CLN5: variants seen among roughly 807,000 people sequenced by gnomAD.
The protein encoded by CLN5 is CLN5 lysosomal BMP synthase, also known as bis(monoacylglycero)phosphate synthase CLN5.
In CLN5, 34 loss-of-function variants were observed where a neutral mutation model predicts 36.7. That is an observed-to-expected ratio of 0.93 (90% CI 0.71 to 1.23). The LOEUF (loss-of-function observed/expected upper bound fraction) is 1.23. Among genes scored for constraint, CLN5 ranks in the 50% most tolerant of loss-of-function variants. The pLI is 0.00. For synonymous variants in CLN5, 151 were observed against 155.1 expected (o/e 0.97, Z 0.20); for missense variants, 427 against 439.4 (o/e 0.97, Z 0.25).
chr13:76,992,311 G>A, intron 1 of CLN5, 40 bp downstream of exon 1: 1 of 1,515,456 alleles, frequency 6.6e-7, no homozygotes, highest in Non-Finnish European at 8.8e-7. Flanking sequence ...GTTGGGGTCG[G>A]CGTTGACGAT....
In CLN5 at chr13:77,004,506, C is replaced by T. The variant is rs1046343530; in HGVS notation, c.*3537C>T. 6.6e-6 allele frequency: 1 copy of T among 152,118 alleles called. No individual in the cohort carries two copies. The highest frequency in any genetic ancestry group is 6.5e-5 in the Admixed American group (1 of 15,276). The allele number at this position is 152,118 out of a possible 1,614,324, so 9.4% of individuals were successfully genotyped here. ...TGATTATTCTAAGGATAAGCTCTTA[C>T]TTCACTTTCGGAGTAAAAGGCTTTG... On this transcript the variant is annotated 3_prime_UTR_variant, in exon 4 of 4. Transcript: ENST00000377453.
chr13:76,992,221 G>C lies in CLN5; in HGVS notation c.123G>C (p.Trp41Cys), dbSNP rs1284580558. ...TTTGGCTCGCGGTGGTTCCGGGCTGGTCCCGGGTCTCGGGCATCCCCTCCC... is the reference window on the plus strand; with the variant it reads ...TTTGGCTCGCGGTGGTTCCGGGCTGCTCCCGGGTCTCGGGCATCCCCTCCC... The part of the protein sequence containing the change: ...ALLWLAVVPG[W>C]SRVSGIPSRR... Residue 41 changes from tryptophan to cysteine, a missense_variant, in exon 1 of 4, where the codon TGG (tryptophan) becomes TGC (cysteine). By Grantham distance (215) the Trp-to-Cys change is radical (BLOSUM62 -2). Coordinates refer to ENST00000377453, the MANE Select transcript of CLN5 (RefSeq NM_006493.4). The C allele has an allele frequency of 6.3e-7, 1 of 1,599,340 alleles. No homozygotes were observed. The highest frequency in any genetic ancestry group is 1.1e-5 in the South Asian group (1 of 90,200).
chr13:76,992,431 GT>G, intron 1 of CLN5, 160 bp downstream of exon 1: 1 of 830,084 alleles, frequency 1.2e-6, no homozygotes, highest in Non-Finnish European at 1.8e-6. Flanking sequence ...TGAGAGCAAA[GT>G]TGAGGACTGG....
In CLN5 at chr13:77,004,815, T is replaced by A. The variant is rs937877397; in HGVS notation, c.*3846T>A. 1 of 152,184 alleles carries A rather than the reference T, an allele frequency of 6.6e-6. No individual in the cohort carries two copies. Among genetic ancestry groups the A allele is most frequent in the Admixed American group, 6.5e-5 (1 of 15,274 alleles). 9.4% of individuals were successfully genotyped at this position (152,184 alleles called of 1,614,324 possible). A position where few individuals can be genotyped will look rare whatever the true frequency, so the allele number is the denominator to read the frequency against. ...TCAATCATACCTATTTTTTCTGATA[T>A]GGTTACAACAGCCCAAATTACCAAG... On this transcript the variant is annotated 3_prime_UTR_variant, in exon 4 of 4. Transcript: ENST00000377453.
chr13:76,996,265 C>A, intron 3 of CLN5, 138 bp downstream of exon 3: 1 of 740,184 alleles, frequency 1.4e-6, no homozygotes. Context: ...AACCATTAAA[C>A]TTTGGGAATT....
rs1458668713 is a variant in CLN5, at chr13:77,002,730, C to G, written c.*1761C>G. 6.6e-6 allele frequency: 1 copy of G among 152,154 alleles called. No homozygotes were observed. Among genetic ancestry groups the G allele is most frequent in the Non-Finnish European group, 1.5e-5 (1 of 68,032 alleles). 9.4% of individuals were successfully genotyped at this position (152,154 alleles called of 1,614,324 possible). A position where few individuals can be genotyped will look rare whatever the true frequency, so the allele number is the denominator to read the frequency against. ...AAATTAATACTGCCTCTTTAACCTG[C>G]TAATTGTTTTCACAATGTTACAAGA... is the stretch of plus-strand genomic sequence containing the variant. On this transcript the variant is annotated 3_prime_UTR_variant, in exon 4 of 4. Transcript: ENST00000377453.
rs1280128886 is a variant in CLN5 at position 76,992,270 on chromosome 13, A to G, written c.172A>G (p.Lys58Glu). The G allele has an allele frequency of 7.0e-6, 11 of 1,567,862 alleles. No homozygotes were observed. The highest frequency in any genetic ancestry group is 2.3e-5 in the East Asian group (1 of 43,436). The change falls in exon 1 of 4, where the codon AAG becomes GAG. Residue 58 changes from lysine to glutamate, a missense_variant and splice_region_variant. Coordinates refer to ENST00000377453, the MANE Select transcript of CLN5 (RefSeq NM_006493.4). ...PSRRHWPVPYKRFDFRPKPDP... is the reference protein window; with the variant it reads ...PSRRHWPVPYERFDFRPKPDP... ...CCGGCGCCACTGGCCGGTGCCCTAC[A>G]AGTGAGTGCGGCGGCGCGCGCACTG...
chr13:77,000,879 T>G lies in CLN5; in HGVS notation c.987T>G (p.Tyr329Ter), dbSNP rs2034349886. 6.9e-6 allele frequency: 11 copies of G among 1,593,730 alleles called. No homozygotes were observed. The highest frequency in any genetic ancestry group is 9.4e-6 in the Non-Finnish European group (11 of 1,172,720). ...KQFYLFYNFE[Y>*]WFLPMKFPFI... ...TCTATTTGTTTTATAATTTTGAATA[T>G]TGGTTTTTACCTATGAAATTCCCTT... Residue 329 changes from tyrosine (Y) to a stop codon, truncating the protein, a stop_gained, in exon 4 of 4, where the codon TAT becomes TAG. Coordinates refer to ENST00000377453, the MANE Select transcript of CLN5 (RefSeq NM_006493.4). LOFTEE classifies it high-confidence loss of function.
chr13:76,998,045 G>A (rs2034297506), intron 3 of CLN5: 1 of 152,388 alleles, frequency 6.6e-6, no homozygotes, highest in Admixed American at 6.5e-5. Context: ...TTTTACAGAT[G>A]GAGAAACTGA....
Position 76,995,233 on chromosome 13 carries a change from G to A in CLN5, c.339+5G>A. 6.2e-7 allele frequency: 1 copy of A among 1,613,714 alleles called. No homozygotes were observed. The highest frequency in any genetic ancestry group is 1.1e-5 in the South Asian group (1 of 91,062). ...GGAGACCTCCTGGGACACTTGGTAA[G>A]GATGCATCTTGGTCTTATAACTTTG... On this transcript the variant is annotated splice_donor_5th_base_variant and intron_variant, in intron 2 of 3. Coordinates refer to ENST00000377453, the MANE Select transcript of CLN5 (RefSeq NM_006493.4).
intron 3 of CLN5, 56 bp downstream of exon 3, chr13:76,996,183 A>G: frequency 1.5e-6 from 2 of 1,323,728 alleles, no homozygotes; most frequent in Admixed American, 1.7e-5. Flanking sequence ...CAAATGAAAG[A>G]AATTGTTATA....
chr13:77,000,550 A>G lies in CLN5; in HGVS notation c.658A>G (p.Lys220Glu). The G allele has an allele frequency of 6.2e-7, 1 of 1,614,072 alleles. No individual in the cohort carries two copies. The highest frequency in any genetic ancestry group is 8.5e-7 in the Non-Finnish European group (1 of 1,179,992). Residue 220 changes from lysine (K) to glutamate (E), a missense_variant, in exon 4 of 4, where the codon AAG becomes GAG. Physicochemically the swap from Lys to Glu is moderately conservative, Grantham distance 56. Coordinates refer to ENST00000377453, the MANE Select transcript of CLN5 (RefSeq NM_006493.4). ...ATGGAATGTAAAAGCCAGCCCAGAA[A>G]AGGGGGCAGAGACATGGTTTGATTC... ...ETWNVKASPEKGAETWFDSYD... is the reference protein window; with the variant it reads ...ETWNVKASPEEGAETWFDSYD...
chr13:77,005,022 T>C lies in CLN5; in HGVS notation c.*4053T>C, dbSNP rs944753290. On this transcript the variant is annotated 3_prime_UTR_variant, in exon 4 of 4. Coordinates refer to ENST00000377453, the MANE Select transcript of CLN5 (RefSeq NM_006493.4). ...TCTGAATGCAGAAAGAACCTATTAT[T>C]TTCTGTATAAAAATTTAAAAATTTA... 2 of 152,252 alleles carry C rather than the reference T, an allele frequency of 1.3e-5. No individual in the cohort carries two copies. The highest frequency in any genetic ancestry group is 2.1e-4 in the South Asian group (1 of 4,826). The allele number at this position is 152,252 out of a possible 1,614,324, so 9.4% of individuals were successfully genotyped here.
intron 3 of CLN5, 79 bp downstream of exon 3, chr13:76,996,206 C>A: frequency 8.4e-7 from 1 of 1,195,784 alleles, no homozygotes; most frequent in Non-Finnish European, 1.2e-6. Context: ...TCCATTGAAA[C>A]ATTTCAGTAA....
chr13:76,999,574 A>T (rs2034324224), intron 3 of CLN5: 1 of 152,284 alleles, frequency 6.6e-6, no homozygotes, highest in Admixed American at 6.5e-5. Context: ...CACAAGGTGG[A>T]TGGGGTATGG....
chr13:76,994,024 T>A lies in CLN5; in HGVS notation c.174-1039T>A, dbSNP rs764735410. 5.3e-5 allele frequency: 8 copies of A among 152,292 alleles called. No homozygotes were observed. The South Asian group carries it at 1.0e-3, about 20-fold the overall frequency. 9.4% of individuals were successfully genotyped at this position (152,292 alleles called of 1,614,324 possible). On this transcript the variant is annotated intron_variant, in intron 1 of 3. Coordinates refer to ENST00000377453, the MANE Select transcript of CLN5 (RefSeq NM_006493.4). ...CGGTCTTCTTTTCTTGCCTGCATTG[T>A]TGAGGTCACCTTCTAACTGATCTCT...
Position 77,004,385 on chromosome 13 carries a change from T to TTTA in CLN5, c.*3421_*3423dup, listed in dbSNP as rs1168408126. 6.6e-6 allele frequency: 1 copy of TTTA among 152,230 alleles called. No individual in the cohort carries two copies. The highest frequency in any genetic ancestry group is 1.9e-4 in the East Asian group (1 of 5,206). 9.4% of individuals were successfully genotyped at this position (152,230 alleles called of 1,614,324 possible). A position where few individuals can be genotyped will look rare whatever the true frequency, so the allele number is the denominator to read the frequency against. ...TCCAGCATCTTCGTCATATTTACCC[T>TTTA]TTATTATCCAAGTGGTTTCCTGCTC... is the stretch of plus-strand genomic sequence containing the variant. On this transcript the variant is annotated 3_prime_UTR_variant, in exon 4 of 4. Coordinates refer to ENST00000377453, the MANE Select transcript of CLN5 (RefSeq NM_006493.4).
intron 3 of CLN5, 29 bp from the exon 4 acceptor site, chr13:77,000,429 G>C (rs1272204280): frequency 1.2e-6 from 2 of 1,603,952 alleles, no homozygotes; most frequent in East Asian, 2.2e-5. Flanking sequence ...TTGTTCACTA[G>C]GTGACTTTGT....
In CLN5 at chr13:77,003,380, TAA is replaced by T. The variant is rs1308855939; in HGVS notation, c.*2413_*2414del. The T allele has an allele frequency of 6.6e-6, 1 of 152,156 alleles. No individual in the cohort carries two copies. The highest frequency in any genetic ancestry group is 2.4e-5 in the African/African-American group (1 of 41,434). The allele number at this position is 152,156 out of a possible 1,614,324, so 9.4% of individuals were successfully genotyped here. On this transcript the variant is annotated 3_prime_UTR_variant, in exon 4 of 4. Transcript: ENST00000377453. ...AATTAAATGAAGACAGAAAGCATCA[TAA>T]AGTCAGGTAACTACAGCACAGACAG...
Sources: gnomAD v4.1 joint callset for allele counts on GRCh38, gnomAD v4.1.1 for gene constraint, MANE v1.5 for transcripts, NCBI Gene and HGNC (gene_info 2026-07-23, HGNC 2026-07-21) for gene names.